UBAP2L: variants seen among roughly 807,000 people sequenced by gnomAD.
The protein encoded by UBAP2L is ubiquitin-associated protein 2-like.
A neutral mutation model predicts 130.6 loss-of-function variants in UBAP2L; 12 were observed. That is an observed-to-expected ratio of 0.09 (90% confidence interval 0.06 to 0.15). The LOEUF is 0.15. UBAP2L is among the 10% of genes least tolerant of loss of function. UBAP2L has a pLI of 1.00. For synonymous variants in UBAP2L, 503 were observed against 524.7 expected (o/e 0.96, Z 0.57); for missense variants, 965 against 1,332.5 (o/e 0.72, Z 4.29).
At chr1:154,263,061 G>T in intron 24 of UBAP2L, 4 of 1,547,368 alleles carry the variant, frequency 2.6e-6, no homozygotes, top group Non-Finnish European at 3.5e-6. Context: ...AAGGGCTTTT[G>T]TCATTCCATT....
intron 23 of UBAP2L, 106 bp downstream of exon 23, chr1:154,261,215 C>A: frequency 2.4e-6 from 3 of 1,269,828 alleles, no homozygotes; most frequent in Non-Finnish European, 3.2e-6. Context: ...TGAGGAGGAA[C>A]AGTTTCCACC....
At chr1:154,235,541 G>A (rs1017996295) in intron 6 of UBAP2L, among the ~76,000 whole-genome samples, 5 of 151,456 alleles carry the variant, frequency 3.3e-5, no homozygotes, top group Middle Eastern at 3.2e-3. Flanking sequence ...ATGGAGTCTC[G>A]CACTGTCACC....
At position 154,253,935 on chromosome 1, in the gene UBAP2L, A is replaced by G. The variant is rs1364063995; in HGVS notation, c.1700A>G (p.Gln567Arg). The change falls in exon 15 of 27, where the codon CAG (glutamine) becomes CGG (arginine). Residue 567 changes from glutamine (Q) to arginine (R), a missense_variant. By Grantham distance (43) the Gln-to-Arg change is conservative (BLOSUM62 1). Transcript: ENST00000428931. ...TCTACAATTTCATCTAACCAGAGTC[A>G]GGAGTCTGGTTATCAGAGCGGCCCA... The part of the protein sequence containing the change: ...SSSTISSNQS[Q>R]ESGYQSGPIQ... The G allele has an allele frequency of 6.2e-7, 1 of 1,614,136 alleles. No homozygotes were observed. The highest frequency in any genetic ancestry group is 8.5e-7 in the Non-Finnish European group (1 of 1,180,000).
rs1366324477 is a variant in UBAP2L at position 154,261,088 on chromosome 1, G to A, written c.2775G>A (p.Gln925=). 2.5e-6 allele frequency: 4 copies of A among 1,614,152 alleles called. No homozygotes were observed. The highest frequency in any genetic ancestry group is 2.2e-5 in the East Asian group (1 of 44,886). Residue 925 remains glutamine, a synonymous_variant, in exon 23 of 27, where the codon CAG becomes CAA. Coordinates refer to ENST00000428931, the MANE Select transcript of UBAP2L (RefSeq NM_014847.4). ...TCCCGGGCCTCCCCAGCACCTTCCA[G>A]TATGGGCCTGCTGTGTTCCCTGTGA... ...TGVPGLPSTF[Q]YGPAVFPVAP...
At chr1:154,263,375 A>C (rs551437769) in intron 24 of UBAP2L, 2 of 1,376,696 alleles carry the variant, frequency 1.5e-6, no homozygotes, top group Admixed American at 3.5e-5. Context: ...TTCAAGTTCA[A>C]GCGGTGCAGC....
intron 24 of UBAP2L, 35 bp downstream of exon 24, chr1:154,261,732 G>A (rs190223144): frequency 2.4e-4 from 383 of 1,601,314 alleles, no homozygotes; most frequent in Non-Finnish European, 3.1e-4. Flanking sequence ...GGTGTTATCT[G>A]TGGGGTGTTA....
chr1:154,233,352 C>T (rs969579855), intron 4 of UBAP2L, among the ~76,000 whole-genome samples: 1 of 149,690 alleles, frequency 6.7e-6, no homozygotes, highest in Non-Finnish European at 1.5e-5. Flanking sequence ...TGGAACCTTG[C>T]TCTGTGGCCC....
At position 154,228,596 on chromosome 1, in the gene UBAP2L, G is replaced by A; in HGVS notation, c.169-19G>A. ...GAGCATAAGCCTGTTCATGATGGTTGCTGTTTTTTCTCTTTCAGTTGATTG... is the reference window on the plus strand; with the variant it reads ...GAGCATAAGCCTGTTCATGATGGTTACTGTTTTTTCTCTTTCAGTTGATTG... On this transcript the variant is annotated intron_variant, in intron 3 of 26. Transcript: ENST00000428931. 6.3e-7 allele frequency: 1 copy of A among 1,583,328 alleles called. No homozygotes were observed. The highest frequency in any genetic ancestry group is 8.7e-7 in the Non-Finnish European group (1 of 1,152,714).
At position 154,254,907 on chromosome 1, in the gene UBAP2L, C is replaced by G. The variant is rs1013546427; in HGVS notation, c.1909+17C>G. 10 of 1,591,500 alleles carry G rather than the reference C, an allele frequency of 6.3e-6. No individual in the cohort carries two copies. Among genetic ancestry groups the G allele is most frequent in the African/African-American group, 2.7e-5 (2 of 73,108 alleles). On this transcript the variant is annotated intron_variant, in intron 16 of 26. Coordinates refer to ENST00000428931, the MANE Select transcript of UBAP2L (RefSeq NM_014847.4). ...CTGTTGAAGGTGAGTGTTCTTCAGG[C>G]TTTTCCCCTCCTAAGTTTCTGGTTT...
chr1:154,235,912 T>G (rs1015944448), intron 6 of UBAP2L, among the ~76,000 whole-genome samples: 2 of 152,120 alleles, frequency 1.3e-5, no homozygotes, highest in Non-Finnish European at 2.9e-5. Flanking sequence ...AGGGTCTACT[T>G]TGTTTAAAAA....
chr1:154,220,475 G>C, upstream of UBAP2L: 1 of 1,593,968 alleles, frequency 6.3e-7, no homozygotes, highest in Non-Finnish European at 8.6e-7. Flanking sequence ...CCCAGGCTCC[G>C]CCGAAGCGAC....
Position 154,225,215 on chromosome 1 carries a change from T to C in UBAP2L, c.90+2T>C. 1 of 1,613,908 alleles carries C rather than the reference T, an allele frequency of 6.2e-7. No individual in the cohort carries two copies. The highest frequency in any genetic ancestry group is 8.5e-7 in the Non-Finnish European group (1 of 1,179,910). On this transcript the variant is annotated splice_donor_variant, in intron 2 of 26. Transcript: ENST00000428931. LOFTEE classifies it high-confidence loss of function. ...ACACAGCACAAGCAGCGGCCACAGG[T>C]AAATAATCCAAGGCATACGGATTCA...
At chr1:154,269,688 G>A (rs1684308269) in intron 26 of UBAP2L, 6 of 337,164 alleles carry the variant, frequency 1.8e-5, no homozygotes, top group South Asian at 1.4e-4. Context: ...GCCTCAGACT[G>A]CCTCTCATAC....
At position 154,243,101 on chromosome 1, in the gene UBAP2L, A is replaced by G. The variant is rs898951346; in HGVS notation, c.757-116A>G. ...CCATTCAGGATTCCTCAGGGTAGAT[A>G]GTTTTCTCTTTATAGGGCTTTCACT... On this transcript the variant is annotated intron_variant, in intron 9 of 26. Coordinates refer to ENST00000428931, the MANE Select transcript of UBAP2L (RefSeq NM_014847.4). 2.0e-5 allele frequency: 15 copies of G among 759,624 alleles called. No homozygotes were observed. In the African/African-American group the frequency reaches 2.4e-4, roughly 12 times the overall value. The allele number at this position is 759,624 out of a possible 1,614,324, so 47.1% of individuals were successfully genotyped here. A position where few individuals can be genotyped will look rare whatever the true frequency, so the allele number is the denominator to read the frequency against.
At chr1:154,247,273 T>A (rs1420471480) in intron 11 of UBAP2L, among the ~76,000 whole-genome samples, 1 of 152,206 alleles carries the variant, frequency 6.6e-6, no homozygotes, top group East Asian at 1.9e-4. Flanking sequence ...CTTAAAATGT[T>A]TTTTGTGTGT....
chr1:154,234,711 CGTG>C lies in UBAP2L; in HGVS notation c.405_407del (p.Gly136del). 6.2e-7 allele frequency: 1 copy of C among 1,611,850 alleles called. No homozygotes were observed. Among genetic ancestry groups the C allele is most frequent in the Non-Finnish European group, 8.5e-7 (1 of 1,179,026 alleles). The stretch of plus-strand genomic sequence containing the variant: ...CCGGGACAGAGACTATAGTCGGCGA[CGTG>C]GTGGGCCACCAAGACGGGGGAGAGG... On this transcript the variant is annotated inframe_deletion, in exon 5 of 27. Coordinates refer to ENST00000428931, the MANE Select transcript of UBAP2L (RefSeq NM_014847.4).
chr1:154,262,507 T>C (rs1316104719), intron 24 of UBAP2L, among the ~76,000 whole-genome samples: 1 of 152,168 alleles, frequency 6.6e-6, no homozygotes, highest in Non-Finnish European at 1.5e-5. Context: ...CTCTGATTGC[T>C]TAGGGTTGGG....
At chr1:154,228,555 C>T in intron 3 of UBAP2L, 60 bp from the exon 4 acceptor site, 1 of 1,307,534 alleles carries the variant, frequency 7.6e-7, no homozygotes, top group Non-Finnish European at 1.1e-6. Flanking sequence ...ACCTAGTTTC[C>T]TTTCATTGGG....
intron 22 of UBAP2L, among the ~76,000 whole-genome samples, chr1:154,260,565 T>C (rs1681227869): frequency 6.6e-6 from 1 of 152,136 alleles, no homozygotes; most frequent in Admixed American, 6.5e-5. Flanking sequence ...CAGCATGGGG[T>C]ATTCCCCATG....
Sources: allele counts gnomAD v4.1 joint callset (sites outside exome capture counted in the v4.1 genomes callset), GRCh38; gene constraint gnomAD v4.1.1; transcripts MANE v1.5; gene names NCBI Gene and HGNC (gene_info 2026-07-23, HGNC 2026-07-21).